Variants in UGT1A3 observed in about 807,000 individuals in gnomAD.
The protein encoded by UGT1A3 is UDP-glucuronosyltransferase 1A3.
A neutral mutation model predicts 41.0 loss-of-function variants in UGT1A3; 31 were observed. That is an observed-to-expected ratio of 0.76 (90% confidence interval 0.57 to 1.02). The LOEUF is 1.02. Among genes scored for constraint, UGT1A3 ranks in the 50% least tolerant of loss-of-function variants. The pLI, the probability that UGT1A3 is intolerant of heterozygous loss-of-function variation, is 0.00. For missense variants in UGT1A3, 737 were observed against 671.0 expected (o/e 1.10, Z -1.09); for synonymous variants, 262 against 257.6 (o/e 1.02, Z -0.17).
At chr2:233,743,972 A>G in intron 1 of UGT1A3, 2 of 1,321,206 alleles carry the variant, frequency 1.5e-6, no homozygotes, top group African/African-American at 1.5e-5. Flanking sequence ...CAAGGCTGCC[A>G]GCACCCAGGC....
chr2:233,760,803 G>T lies in UGT1A3; in HGVS notation c.868-6231G>T, dbSNP rs748734877. 2.5e-6 allele frequency: 4 copies of T among 1,613,224 alleles called. No individual in the cohort carries two copies. The highest frequency in any genetic ancestry group is 3.3e-5 in the Admixed American group (2 of 59,970). ...TGTCTCTGCCCACTGTATTCTTCTT[G>T]CATGCACTGCCATGCAGCCTGGAAT... On this transcript the variant is annotated intron_variant, in intron 1 of 4. Transcript: ENST00000482026.
At chr2:233,766,637 C>G (rs1389389579) in intron 1 of UGT1A3, among the ~76,000 whole-genome samples, 2 of 152,186 alleles carry the variant, frequency 1.3e-5, no homozygotes, top group African/African-American at 4.8e-5. Flanking sequence ...TTCCCTACTT[C>G]CATATCATTT....
At position 233,769,619 on chromosome 2, in the gene UGT1A3, C is replaced by G; in HGVS notation, c.1307+1180C>G. The G allele has an allele frequency of 1.9e-6, 3 of 1,612,516 alleles. No individual in the cohort carries two copies. The highest frequency in any genetic ancestry group is 2.5e-6 in the Non-Finnish European group (3 of 1,179,738). ...GAACACGGGGACACACCAGCTTGAG[C>G]AAGGGACAACAGGGGAGGACTGATG... On this transcript the variant is annotated intron_variant, in intron 4 of 4. Transcript: ENST00000482026. This position sits in a 1 kb window ranked among gnomAD's most constrained non-coding sequence, Gnocchi z 4.4.
chr2:233,730,252 T>A (rs1444242669), intron 1 of UGT1A3, among the ~76,000 whole-genome samples: 1 of 152,134 alleles, frequency 6.6e-6, no homozygotes, highest in Non-Finnish European at 1.5e-5. Context: ...GTGTGACTCA[T>A]AGAGACTGTT....
At chr2:233,754,618 C>T (rs1695535805) in intron 1 of UGT1A3, 1 of 438,776 alleles carries the variant, frequency 2.3e-6, no homozygotes, top group Admixed American at 2.6e-5. Context: ...CCATCTTCCT[C>T]CACTTCCACC....
chr2:233,750,237 A>G (rs766063070), intron 1 of UGT1A3, among the ~76,000 whole-genome samples: 1 of 151,900 alleles, frequency 6.6e-6, no homozygotes, highest in Non-Finnish European at 1.5e-5. Flanking sequence ...ACTTATTGGG[A>G]ACTGGAACAA....
intron 1 of UGT1A3, among the ~76,000 whole-genome samples, chr2:233,762,717 GTTT>G (rs34681509): frequency 7.1e-6 from 1 of 141,162 alleles, no homozygotes. Context: ...ATTTTACACG[GTTT>G]TTTTTTTTTG....
In UGT1A3 at chr2:233,767,139, G is replaced by C; in HGVS notation, c.973G>C (p.Asp325His). Residue 325 changes from aspartate to histidine, a missense_variant, in exon 2 of 5, where the codon GAT becomes CAT. Asp to His is a moderately conservative substitution (Grantham distance 81). Transcript: ENST00000482026. Reference protein sequence around the residue: ...IPEKKAMAIADALGKIPQTVL... With the variant: ...IPEKKAMAIAHALGKIPQTVL... Reference sequence around the variant, plus strand: ...AGAGAAGAAAGCTATGGCAATTGCTGATGCTTTGGGCAAAATCCCTCAGAC... The same window carrying C: ...AGAGAAGAAAGCTATGGCAATTGCTCATGCTTTGGGCAAAATCCCTCAGAC... 6.2e-7 allele frequency: 1 copy of C among 1,614,104 alleles called. No individual in the cohort carries two copies. The highest frequency in any genetic ancestry group is 1.7e-4 in the Middle Eastern group (1 of 6,060).
intron 1 of UGT1A3, among the ~76,000 whole-genome samples, chr2:233,757,699 C>A (rs572469741): frequency 4.0e-5 from 6 of 151,562 alleles, no homozygotes; most frequent in Non-Finnish European, 8.8e-5. Context: ...AGGAAGGTGG[C>A]TTTGCTTCCC....
chr2:233,733,606 A>G (rs921303944), intron 1 of UGT1A3, among the ~76,000 whole-genome samples: 5 of 152,192 alleles, frequency 3.3e-5, no homozygotes, highest in African/African-American at 1.2e-4. Context: ...GATGGATTAC[A>G]TTTATTGATT....
rs1201935304 is a variant in UGT1A3 at position 233,769,504 on chromosome 2, G to T, written c.1307+1065G>T. ...GCGTGTGTTTATGAGAGTGTCCATT[G>T]CTTTCTCCCATGGTTACCTCCTTTA... On this transcript the variant is annotated intron_variant, in intron 4 of 4. Transcript: ENST00000482026. This position sits in a 1 kb window ranked among gnomAD's most constrained non-coding sequence, Gnocchi z 4.4. The T allele has an allele frequency of 1.2e-6, 2 of 1,612,732 alleles. No homozygotes were observed. The highest frequency in any genetic ancestry group is 1.7e-4 in the Middle Eastern group (1 of 6,058).
chr2:233,764,196 C>T (rs923801635), intron 1 of UGT1A3, among the ~76,000 whole-genome samples: 7 of 152,120 alleles, frequency 4.6e-5, no homozygotes, highest in African/African-American at 1.7e-4. Flanking sequence ...TCAGGGGCAT[C>T]TCATCTTTTC....
intron 3 of UGT1A3, 43 bp from the exon 4 acceptor site, chr2:233,768,177 T>A (rs371628620): frequency 6.8e-6 from 11 of 1,613,824 alleles, no homozygotes; most frequent in Non-Finnish European, 9.3e-6. Flanking sequence ...GCTGTGAAAC[T>A]CAGAGATGTA....
intron 1 of UGT1A3, chr2:233,742,900 A>G (rs1289893685): frequency 6.0e-6 from 1 of 165,412 alleles, no homozygotes; most frequent in Non-Finnish European, 1.3e-5. Flanking sequence ...CAACGGAAAA[A>G]GGTAATGCTC....
intron 1 of UGT1A3, chr2:233,747,659 T>C: frequency 1.9e-6 from 3 of 1,599,022 alleles, no homozygotes; most frequent in Non-Finnish European, 2.6e-6. Flanking sequence ...TCGATGTGGT[T>C]TTAATAGACC....
At chr2:233,733,344 T>A (rs1194194853) in intron 1 of UGT1A3, among the ~76,000 whole-genome samples, 4 of 152,230 alleles carry the variant, frequency 2.6e-5, no homozygotes, top group African/African-American at 9.6e-5. Flanking sequence ...TCCAACAGTA[T>A]GTTGAGTAGG....
At chr2:233,752,806 A>T (rs1429691743) in intron 1 of UGT1A3, among the ~76,000 whole-genome samples, 1 of 152,230 alleles carries the variant, frequency 6.6e-6, no homozygotes, top group Non-Finnish European at 1.5e-5. Flanking sequence ...TGTAGAAGGA[A>T]CACTTCCCAT....
chr2:233,734,158 C>CT (rs2078493084), intron 1 of UGT1A3, among the ~76,000 whole-genome samples: 1 of 151,988 alleles, frequency 6.6e-6, no homozygotes, highest in African/African-American at 2.4e-5. Flanking sequence ...TGGTCCTGGA[C>CT]TTTTTTTGGT....
chr2:233,748,222 C>T (rs1693896902), intron 1 of UGT1A3: 2 of 1,443,838 alleles, frequency 1.4e-6, no homozygotes, highest in Non-Finnish European at 1.9e-6. Flanking sequence ...GTGAGATAAA[C>T]TGTTAAGGGG....
Sources: allele counts gnomAD v4.1 joint callset (sites outside exome capture counted in the v4.1 genomes callset), GRCh38; gene constraint gnomAD v4.1.1; non-coding constraint Gnocchi (gnomAD v3.1); transcripts MANE v1.5; gene names NCBI Gene and HGNC (gene_info 2026-07-23, HGNC 2026-07-21).